MYPN: variants seen among roughly 807,000 people sequenced by gnomAD.
MYPN encodes sarcomeric protein myopalladin, 145 kDa (MYOP).
In MYPN, 63 loss-of-function variants were observed where a neutral mutation model predicts 129.4. The ratio of observed to expected loss-of-function variants is 0.49; its 90% CI spans 0.40 to 0.60. The LOEUF (loss-of-function observed/expected upper bound fraction) is 0.60, where lower values mean the gene tolerates loss of function less well. Ranked by LOEUF, MYPN falls within the 20% of genes least tolerant of loss-of-function variation. The probability of loss-of-function intolerance (pLI) is 0.00; values close to 1 mark genes in which losing one functional copy is unlikely to be tolerated. For synonymous variants in MYPN, 629 were observed against 600.9 expected, an observed-to-expected ratio of 1.05 and a Z score of -0.68; for missense variants, 1,596 against 1,635.4, an observed-to-expected ratio of 0.98 and a Z score of 0.42.
rs754106892 is a variant in MYPN, at chr10:68,201,959, C to A, written c.3624C>A (p.Asp1208Glu). The change falls in exon 18 of 20, where the codon GAC (aspartate) becomes GAA (glutamate). Residue 1208 changes from aspartate (D) to glutamate (E), a missense_variant. By Grantham distance (45) the Asp-to-Glu change is conservative. Coordinates refer to ENST00000358913, the MANE Select transcript of MYPN (RefSeq NM_032578.4). Reference protein sequence around the residue: ...MPPPVFYWKKDNETIPCTRER... With the variant: ...MPPPVFYWKKENETIPCTRER... ...CACCTGTGTTCTACTGGAAGAAAGA[C>A]AATGAGACCATCCCTTGCACCAGAG... The A allele has an allele frequency of 5.0e-6, 8 of 1,614,114 alleles. No individual in the cohort carries two copies. Among genetic ancestry groups the A allele is most frequent in the South Asian group, 1.1e-5 (1 of 91,082 alleles).
Position 68,182,469 on chromosome 10 carries a change from T to TACACAC in MYPN, c.2704-6435_2704-6434insCACACA, listed in dbSNP as rs746883010. On this transcript the variant is annotated intron_variant, in intron 12 of 19. Transcript: ENST00000358913. ...ATATATAACATATATATATAACATATATACACACACACACACACACACACA... is the reference window on the plus strand; with the variant it reads ...ATATATAACATATATATATAACATATACACACATACACACACACACACACACACACA... Among the ~76,000 whole-genome samples the TACACAC allele has an allele frequency of 5.8e-3, 645 of 111,954 alleles. 22 individuals carry two copies. The highest frequency in any genetic ancestry group is 0.022 in the African/African-American group (609 of 28,130). 73.4% of individuals were successfully genotyped at this position (111,954 alleles called of 152,430 possible).
At chr10:68,209,586 C>G (rs2043872045) in intron 19 of MYPN, among the ~76,000 whole-genome samples, 1 of 149,766 alleles carries the variant, frequency 6.7e-6, no homozygotes, top group Non-Finnish European at 1.5e-5. Flanking sequence ...CTGCCCCTAA[C>G]AGGTCTTCAT....
intron 4 of MYPN, among the ~76,000 whole-genome samples, chr10:68,146,840 T>A (rs1006628397): frequency 1.3e-5 from 2 of 152,192 alleles, no homozygotes; most frequent in Admixed American, 6.5e-5. Context: ...CTAGCTGCAG[T>A]GAATTTTGGG....
chr10:68,167,268 T>A (rs1378585654), intron 10 of MYPN, among the ~76,000 whole-genome samples: 1 of 152,198 alleles, frequency 6.6e-6, no homozygotes, highest in Non-Finnish European at 1.5e-5. Flanking sequence ...TCATAAAGAC[T>A]TTTTTTGTGT....
chr10:68,209,722 G>A (rs528590060), intron 19 of MYPN, among the ~76,000 whole-genome samples: 1 of 140,550 alleles, frequency 7.1e-6, no homozygotes, highest in Non-Finnish European at 1.5e-5. Context: ...ATGGAGTCTC[G>A]CTCTGTCGCC....
At chr10:68,202,195 G>T (rs1310283903) in intron 18 of MYPN, among the ~76,000 whole-genome samples, 7 of 152,254 alleles carry the variant, frequency 4.6e-5, no homozygotes, top group Non-Finnish European at 8.8e-5. Context: ...CACTTTGGGA[G>T]GCCAAGGCGG....
intron 1 of MYPN, among the ~76,000 whole-genome samples, chr10:68,098,221 G>A (rs1392277233): frequency 6.6e-6 from 1 of 152,122 alleles, no homozygotes; most frequent in African/African-American, 2.4e-5. Flanking sequence ...ACTCCAGCCT[G>A]GGCAACAGAG....
intron 1 of MYPN, among the ~76,000 whole-genome samples, chr10:68,114,489 C>T (rs1364958076): frequency 6.6e-6 from 1 of 151,998 alleles, no homozygotes; most frequent in Non-Finnish European, 1.5e-5. Flanking sequence ...ACTGGGATTA[C>T]AGGCACCTGC....
intron 2 of MYPN, among the ~76,000 whole-genome samples, chr10:68,130,322 T>C (rs899413207): frequency 1.1e-4 from 16 of 152,082 alleles, no homozygotes; most frequent in African/African-American, 3.9e-4. Flanking sequence ...TAGCCAGGCG[T>C]GGTGGCGGGC....
chr10:68,123,440 G>C (rs1425880108), intron 2 of MYPN, among the ~76,000 whole-genome samples: 2 of 151,276 alleles, frequency 1.3e-5, no homozygotes, highest in African/African-American at 4.9e-5. Context: ...ACTTTGGGAG[G>C]CTGAGGCGGG....
At chr10:68,106,075 T>A (rs1263523170), upstream of MYPN, 1 of 452,506 alleles carries the variant, frequency 2.2e-6, no homozygotes, top group Non-Finnish European at 4.4e-6. Flanking sequence ...CGGGGCAGTA[T>A]CACATTTCCT....
chr10:68,204,128 G>A (rs982400493), intron 18 of MYPN, among the ~76,000 whole-genome samples: 20 of 152,168 alleles, frequency 1.3e-4, no homozygotes, highest in East Asian at 1.9e-4. Context: ...ACTGTTGCAC[G>A]TAGTCACAAT....
chr10:68,206,856 A>T lies in MYPN; in HGVS notation c.3746A>T (p.Lys1249Met), dbSNP rs761994728. The change falls in exon 19 of 20, where the codon AAG becomes ATG. Residue 1249 changes from lysine to methionine, a missense_variant. Physicochemically the swap from Lys to Met is moderately conservative, Grantham distance 95. Transcript: ENST00000358913. Reference sequence around the variant, plus strand: ...GCTGGATGGTACACGTTGTCAGCCAAGAATGAAGCCGGCATCGTGTCGTGC... The same window carrying T: ...GCTGGATGGTACACGTTGTCAGCCATGAATGAAGCCGGCATCGTGTCGTGC... ...SDAGWYTLSA[K>M]NEAGIVSCTA... 2 of 1,614,246 alleles carry T rather than the reference A, an allele frequency of 1.2e-6. No individual in the cohort carries two copies. Among genetic ancestry groups the T allele is most frequent in the East Asian group, 4.5e-5 (2 of 44,894 alleles).
intron 18 of MYPN, among the ~76,000 whole-genome samples, chr10:68,202,995 TA>T (rs2043743996): frequency 6.6e-6 from 1 of 152,280 alleles, no homozygotes; most frequent in Admixed American, 6.5e-5. Flanking sequence ...ATACTCTAAA[TA>T]AACTGAGGGT....
At chr10:68,165,553 C>T in intron 8 of MYPN, 149 bp from the exon 9 acceptor site, 2 of 723,926 alleles carry the variant, frequency 2.8e-6, no homozygotes, top group Non-Finnish European at 5.0e-6. Context: ...TCAATTCAAT[C>T]AAACAATTGT....
At position 68,142,942 on chromosome 10, in the gene MYPN, G is replaced by A; in HGVS notation, c.905G>A (p.Trp302Ter). 1 of 1,614,012 alleles carries A rather than the reference G, an allele frequency of 6.2e-7. No individual in the cohort carries two copies. The highest frequency in any genetic ancestry group is 8.5e-7 in the Non-Finnish European group (1 of 1,179,904). ...VVGIPPPQVR[W>*]YCEGKELENS... Reference sequence around the variant, plus strand: ...TGACCATATCCTTTTCCCTGCAGGTGGTACTGTGAAGGCAAGGAGCTTGAA... The same window carrying A: ...TGACCATATCCTTTTCCCTGCAGGTAGTACTGTGAAGGCAAGGAGCTTGAA... The change falls in exon 3 of 20, where the codon TGG becomes TAG. Residue 302 changes from tryptophan (W) to a stop codon, truncating the protein, a stop_gained and splice_region_variant. Transcript: ENST00000358913. LOFTEE classifies it high-confidence loss of function.
intron 18 of MYPN, among the ~76,000 whole-genome samples, chr10:68,204,841 C>T (rs998646806): frequency 2.0e-5 from 3 of 151,908 alleles, no homozygotes; most frequent in African/African-American, 7.3e-5. Flanking sequence ...CCATAGTGCA[C>T]GTGACCCTCT....
At chr10:68,119,521 C>T (rs2042209877) in intron 1 of MYPN, among the ~76,000 whole-genome samples, 1 of 151,870 alleles carries the variant, frequency 6.6e-6, no homozygotes, top group East Asian at 1.9e-4. Context: ...AGTAATTATC[C>T]TGTCTCAGCC....
At chr10:68,146,160 T>C (rs183234557) in intron 4 of MYPN, among the ~76,000 whole-genome samples, 14 of 152,336 alleles carry the variant, frequency 9.2e-5, no homozygotes, top group African/African-American at 3.1e-4. Context: ...CAAAGCCTTA[T>C]TCAGTAGAGC....
Sources: allele counts gnomAD v4.1 joint callset (sites outside exome capture counted in the v4.1 genomes callset), GRCh38; gene constraint gnomAD v4.1.1; transcripts MANE v1.5; gene names NCBI Gene and HGNC (gene_info 2026-07-23, HGNC 2026-07-21).